TECPR2: variants seen among roughly 807,000 people sequenced by gnomAD.
TECPR2 encodes the protein tectonin beta-propeller repeat containing 2.
TECPR2 carries 65 observed loss-of-function variants against 138.1 expected under a neutral mutation model. That is an observed-to-expected ratio of 0.47 (90% confidence interval 0.39 to 0.58). The LOEUF is 0.58. Ranked by LOEUF, TECPR2 falls within the 20% of genes least tolerant of loss-of-function variation. The probability of loss-of-function intolerance (pLI) is 0.00; values close to 1 mark genes in which losing one functional copy is unlikely to be tolerated. For synonymous variants in TECPR2, 746 were observed against 749.8 expected (o/e 0.99, Z 0.08); for missense variants, 1,553 against 1,824.5 (o/e 0.85, Z 2.71).
In TECPR2 at chr14:102,498,994, TGCACCGCACC is replaced by T. The variant is rs563322831; in HGVS notation, c.*749_*758del. 1.9e-5 allele frequency: 13 copies of T among 692,824 alleles called. No homozygotes were observed. Among genetic ancestry groups the T allele is most frequent in the African/African-American group, 5.4e-5 (3 of 55,836 alleles). The allele number at this position is 692,824 out of a possible 1,614,324, so 42.9% of individuals were successfully genotyped here. A position where few individuals can be genotyped will look rare whatever the true frequency, so the allele number is the denominator to read the frequency against. ...CAACACACCACACCCCACACCGCAC[TGCACCGCACC>T]GCACCGCACCGTACCTCGCCACATC... On this transcript the variant is annotated 3_prime_UTR_variant, in exon 20 of 20. Transcript: ENST00000359520.
chr14:102,471,068 C>T (rs539477631), intron 17 of TECPR2, among the ~76,000 whole-genome samples: 4 of 152,226 alleles, frequency 2.6e-5, no homozygotes, highest in South Asian at 4.1e-4. Context: ...CCACCTGCCT[C>T]GGCCTCCCAA....
At chr14:102,457,238 C>G (rs1890296595) in intron 16 of TECPR2, among the ~76,000 whole-genome samples, 1 of 152,094 alleles carries the variant, frequency 6.6e-6, no homozygotes, top group Non-Finnish European at 1.5e-5. Context: ...GCATCCACAG[C>G]CATGCCCGGC....
At position 102,443,196 on chromosome 14, in the gene TECPR2, T is replaced by C. The variant is rs1889880348; in HGVS notation, c.2753-451T>C. On this transcript the variant is annotated intron_variant, in intron 11 of 19. Transcript: ENST00000359520. The surrounding 1 kb of genome is among the most constrained non-coding windows in gnomAD (Gnocchi z 4.9). The stretch of plus-strand genomic sequence containing the variant: ...CCTTTGGGCCTCCATCTGGCCACTC[T>C]CCTGCTCTTGGCTTTTGTGTTCTTC... Among the ~76,000 whole-genome samples the C allele has an allele frequency of 6.6e-6, 1 of 152,258 alleles. No homozygotes were observed. The highest frequency in any genetic ancestry group is 2.4e-5 in the African/African-American group (1 of 41,470).
Position 102,498,671 on chromosome 14 carries a change from G to A in TECPR2, c.*414G>A. ...CACATTAGTAGCCCCAGGGCCAGAT[G>A]GAGCCAAAGGTCAGCTCTCTGCAGC... On this transcript the variant is annotated 3_prime_UTR_variant, in exon 20 of 20. Transcript: ENST00000359520. 2.5e-6 allele frequency: 1 copy of A among 399,778 alleles called. No individual in the cohort carries two copies. Among genetic ancestry groups the A allele is most frequent in the South Asian group, 2.1e-5 (1 of 48,108 alleles). The allele number at this position is 399,778 out of a possible 1,614,324, so 24.8% of individuals were successfully genotyped here. A position where few individuals can be genotyped will look rare whatever the true frequency, so the allele number is the denominator to read the frequency against.
intron 13 of TECPR2, among the ~76,000 whole-genome samples, 188 bp downstream of exon 13, chr14:102,446,135 C>T (rs963293504): frequency 3.3e-5 from 5 of 152,036 alleles, no homozygotes; most frequent in African/African-American, 7.2e-5. Flanking sequence ...GGTGCAGTCA[C>T]GGCTCACTGC....
intron 9 of TECPR2, among the ~76,000 whole-genome samples, chr14:102,436,650 T>C (rs1177797888): frequency 6.6e-6 from 1 of 152,178 alleles, no homozygotes; most frequent in Non-Finnish European, 1.5e-5. Context: ...TCATCCGGCA[T>C]TTATCTTTTC....
intron 8 of TECPR2, among the ~76,000 whole-genome samples, chr14:102,432,996 C>T (rs775574196): frequency 6.1e-5 from 9 of 147,446 alleles, no homozygotes; most frequent in Non-Finnish European, 1.3e-4. Context: ...GAGCAAGACT[C>T]CGTCTCAAAA....
intron 17 of TECPR2, among the ~76,000 whole-genome samples, chr14:102,493,420 C>G (rs1211034086): frequency 6.6e-5 from 10 of 152,220 alleles, no homozygotes; most frequent in Non-Finnish European, 1.5e-5. Context: ...GGCCTCTCCC[C>G]TCCCTTCCCT....
chr14:102,498,977 C>G lies in TECPR2; in HGVS notation c.*720C>G. ...CAGCACACCTCACCACACAACACAC[C>G]ACACCCCACACCGCACTGCACCGCA... On this transcript the variant is annotated 3_prime_UTR_variant, in exon 20 of 20. Coordinates refer to ENST00000359520, the MANE Select transcript of TECPR2 (RefSeq NM_014844.5). The G allele has an allele frequency of 1.4e-6, 1 of 697,082 alleles. No individual in the cohort carries two copies. Among genetic ancestry groups the G allele is most frequent in the South Asian group, 1.5e-5 (1 of 66,636 alleles). The allele number at this position is 697,082 out of a possible 1,614,324, so 43.2% of individuals were successfully genotyped here. A position where few individuals can be genotyped will look rare whatever the true frequency, so the allele number is the denominator to read the frequency against.
intron 3 of TECPR2, among the ~76,000 whole-genome samples, chr14:102,407,879 C>T (rs529055623): frequency 6.6e-5 from 10 of 152,270 alleles, no homozygotes; most frequent in African/African-American, 2.4e-4. Context: ...TGCCTGTAGT[C>T]CCAGCTACTA....
Position 102,402,863 on chromosome 14 carries a change from A to G in TECPR2, c.220-4475A>G, listed in dbSNP as rs565792950. Among the ~76,000 whole-genome samples the G allele has an allele frequency of 2.6e-5, 4 of 152,350 alleles. No homozygotes were observed. In the South Asian group the frequency reaches 8.3e-4, roughly 32 times the overall value. On this transcript the variant is annotated intron_variant, in intron 2 of 19. Coordinates refer to ENST00000359520, the MANE Select transcript of TECPR2 (RefSeq NM_014844.5). ...GTGAAAAAATAGAATACCTGAGTAG[A>G]TCTATAATTAGTAAGAGGATAGAAT...
chr14:102,408,542 T>C lies in TECPR2; in HGVS notation c.403T>C (p.Trp135Arg). ...CAAAAATAGCATTACAGCTCTGGCT[T>C]GGAGCCCCAATGGAATGAAATTGTT... The part of the protein sequence containing the change: ...IHKNSITALA[W>R]SPNGMKLFSG... The change falls in exon 4 of 20, where the codon TGG (tryptophan) becomes CGG (arginine). Residue 135 changes from tryptophan (W) to arginine (R), a missense_variant. By Grantham distance (101) the Trp-to-Arg change is moderately radical. Coordinates refer to ENST00000359520, the MANE Select transcript of TECPR2 (RefSeq NM_014844.5). The C allele has an allele frequency of 6.2e-7, 1 of 1,613,886 alleles. No individual in the cohort carries two copies. The highest frequency in any genetic ancestry group is 8.5e-7 in the Non-Finnish European group (1 of 1,179,942).
At chr14:102,462,353 T>C (rs998403107) in intron 16 of TECPR2, among the ~76,000 whole-genome samples, 3 of 152,212 alleles carry the variant, frequency 2.0e-5, no homozygotes, top group African/African-American at 7.2e-5. Flanking sequence ...GGGAATTCTG[T>C]TTAAACTCCC....
chr14:102,427,578 G>T (rs909230248), intron 6 of TECPR2, among the ~76,000 whole-genome samples: 3 of 152,224 alleles, frequency 2.0e-5, no homozygotes, highest in South Asian at 2.1e-4. Flanking sequence ...CTTTAAGTCA[G>T]TGTGGGCTCA....
At chr14:102,492,247 G>C (rs190362449) in intron 17 of TECPR2, among the ~76,000 whole-genome samples, 1 of 152,194 alleles carries the variant, frequency 6.6e-6, no homozygotes, top group Non-Finnish European at 1.5e-5. Flanking sequence ...CTCTCACCTA[G>C]AGTGAGGGCC....
At chr14:102,402,862 G>T (rs1302031404) in intron 2 of TECPR2, among the ~76,000 whole-genome samples, 1 of 152,142 alleles carries the variant, frequency 6.6e-6, no homozygotes, top group African/African-American at 2.4e-5. Flanking sequence ...TACCTGAGTA[G>T]ATCTATAATT....
intron 8 of TECPR2, among the ~76,000 whole-genome samples, chr14:102,432,474 A>G (rs561864827): frequency 6.6e-6 from 1 of 152,118 alleles, no homozygotes; most frequent in Non-Finnish European, 1.5e-5. Context: ...GCTGGAGTGC[A>G]ATGGCACGAT....
rs544769653 is a variant in TECPR2 at position 102,486,847 on chromosome 14, G to A, written c.3790-10132G>A. The stretch of plus-strand genomic sequence containing the variant: ...TTCTAGACCTATTAACATGGGTATC[G>A]GGTTTTTAAGCCCATCTGAAATTGG... On this transcript the variant is annotated intron_variant, in intron 17 of 19. Coordinates refer to ENST00000359520, the MANE Select transcript of TECPR2 (RefSeq NM_014844.5). Among the ~76,000 whole-genome samples, 18 of 152,300 alleles carry A rather than the reference G, an allele frequency of 1.2e-4. No homozygotes were observed. In the South Asian group the frequency reaches 3.3e-3, roughly 28 times the overall value.
At chr14:102,448,774 C>T (rs575758528) in intron 13 of TECPR2, among the ~76,000 whole-genome samples, 7 of 151,708 alleles carry the variant, frequency 4.6e-5, no homozygotes, top group South Asian at 4.2e-4. Flanking sequence ...GGCTGAGGCA[C>T]GAGAATCTCT....
Sources: allele counts gnomAD v4.1 joint callset (sites outside exome capture counted in the v4.1 genomes callset), GRCh38; gene constraint gnomAD v4.1.1; non-coding constraint Gnocchi (gnomAD v3.1); transcripts MANE v1.5; gene names NCBI Gene and HGNC (gene_info 2026-07-23, HGNC 2026-07-21).